SOHLH2: variants seen among roughly 807,000 people sequenced by gnomAD.
SOHLH2 encodes spermatogenesis and oogenesis specific basic helix-loop-helix 2.
A neutral mutation model predicts 50.4 loss-of-function variants in SOHLH2; 22 were observed. That is an observed-to-expected ratio of 0.44 (90% CI 0.31 to 0.62). The LOEUF is 0.62. SOHLH2 is among the 20% of genes least tolerant of loss of function. The pLI, the probability that SOHLH2 is intolerant of heterozygous loss-of-function variation, is 0.08. For missense variants in SOHLH2, 412 were observed against 504.4 expected, an observed-to-expected ratio of 0.82 and a Z score of 1.76; for synonymous variants, 185 against 187.3, an observed-to-expected ratio of 0.99 and a Z score of 0.10.
chr13:36,168,970 T>C lies in SOHLH2; in HGVS notation c.*64A>G. 1 of 1,568,552 alleles carries C rather than the reference T, an allele frequency of 6.4e-7. No individual in the cohort carries two copies. The highest frequency in any genetic ancestry group is 1.2e-5 in the South Asian group (1 of 82,962). On this transcript the variant is annotated 3_prime_UTR_variant, in exon 11 of 11. Transcript: ENST00000379881. ...CTTTCAAAATCATTCTTTGTTCCAC[T>C]TTTCCTAGATTGTCAAACTGCGCCC...
At chr13:36,206,847 A>G (rs906774641) in intron 1 of SOHLH2, among the ~76,000 whole-genome samples, 3 of 151,556 alleles carry the variant, frequency 2.0e-5, no homozygotes, top group Non-Finnish European at 3.0e-5. Context: ...ATAAAGGTTC[A>G]TGATAATGAT....
intron 6 of SOHLH2, among the ~76,000 whole-genome samples, chr13:36,180,753 C>T (rs1887232204): frequency 6.6e-6 from 1 of 151,110 alleles, no homozygotes; most frequent in South Asian, 2.1e-4. Context: ...ATTAATTCAA[C>T]TCTTTTGAAT....
chr13:36,189,884 A>C lies in SOHLH2; in HGVS notation c.641+62T>G, dbSNP rs925699264. ...TTTTAATAATACTACAAAAAATTAT[A>C]AAATTCATTAATTTCTCCCTACAAA... On this transcript the variant is annotated intron_variant, in intron 6 of 10. Coordinates refer to ENST00000379881, the MANE Select transcript of SOHLH2 (RefSeq NM_017826.3). The C allele has an allele frequency of 4.8e-6, 7 of 1,451,830 alleles. No individual in the cohort carries two copies. The African/African-American group carries it at 8.6e-5, about 18-fold the overall frequency. The allele number at this position is 1,451,830 out of a possible 1,614,324, so 89.9% of individuals were successfully genotyped here. A position where few individuals can be genotyped will look rare whatever the true frequency, so the allele number is the denominator to read the frequency against.
rs932358419 is a variant in SOHLH2 at position 36,177,930 on chromosome 13, ACT to A, written c.642-3063_642-3062del. Among the ~76,000 whole-genome samples, 13 of 151,184 alleles carry A rather than the reference ACT, an allele frequency of 8.6e-5. 1 individual carries two copies. The highest frequency in any genetic ancestry group is 2.7e-4 in the African/African-American group (11 of 41,312). Reference sequence around the variant, plus strand: ...AAATTTTGATAAATCCAATTTATTTACTCTCTCTCTCTCATGGTTATTGCTTT... The same window carrying A: ...AAATTTTGATAAATCCAATTTATTTACTCTCTCTCTCATGGTTATTGCTTT... On this transcript the variant is annotated intron_variant, in intron 6 of 10. Coordinates refer to ENST00000379881, the MANE Select transcript of SOHLH2 (RefSeq NM_017826.3).
chr13:36,191,570 A>G (rs183314479), intron 5 of SOHLH2, among the ~76,000 whole-genome samples: 1 of 152,338 alleles, frequency 6.6e-6, no homozygotes, highest in Admixed American at 6.5e-5. Context: ...TTCCCCAATG[A>G]TGGGGAACTC....
chr13:36,196,044 G>A (rs913464349), intron 2 of SOHLH2, among the ~76,000 whole-genome samples: 1 of 151,854 alleles, frequency 6.6e-6, no homozygotes, highest in African/African-American at 2.4e-5. Context: ...CTGCCAGGAT[G>A]TCAGCATTTC....
chr13:36,190,134 C>T lies in SOHLH2; in HGVS notation c.531-78G>A, dbSNP rs185983731. ...AAATTAAATAATACGCACCAATACA[C>T]TAAACAAAGGATGCTTCTCTAAGTC... On this transcript the variant is annotated intron_variant, in intron 5 of 10. Coordinates refer to ENST00000379881, the MANE Select transcript of SOHLH2 (RefSeq NM_017826.3). The T allele has an allele frequency of 1.1e-4, 151 of 1,321,702 alleles. 1 individual carries two copies. In the East Asian group the frequency reaches 2.8e-3, roughly 24 times the overall value. 81.9% of individuals were successfully genotyped at this position (1,321,702 alleles called of 1,614,324 possible). A position where few individuals can be genotyped will look rare whatever the true frequency, so the allele number is the denominator to read the frequency against.
chr13:36,171,089 G>A (rs1886951299), intron 9 of SOHLH2, among the ~76,000 whole-genome samples: 2 of 152,136 alleles, frequency 1.3e-5, no homozygotes. Context: ...TCTCTCTGAA[G>A]CAAGGAAGAA....
In SOHLH2 at chr13:36,170,891, A is replaced by G. The variant is rs141731811; in HGVS notation, c.1001-104T>C. 330 of 1,501,578 alleles carry G rather than the reference A, an allele frequency of 2.2e-4. 2 individuals are homozygous for G. The African/African-American group carries it at 3.3e-3, about 15-fold the overall frequency. The allele number at this position is 1,501,578 out of a possible 1,614,324, so 93.0% of individuals were successfully genotyped here. A position where few individuals can be genotyped will look rare whatever the true frequency, so the allele number is the denominator to read the frequency against. ...GCCCGCTATTTCATTTCCTCACATTACAAATCTGTACTACCTGCTACACCC... is the reference window on the plus strand; with the variant it reads ...GCCCGCTATTTCATTTCCTCACATTGCAAATCTGTACTACCTGCTACACCC... On this transcript the variant is annotated intron_variant, in intron 9 of 10. Coordinates refer to ENST00000379881, the MANE Select transcript of SOHLH2 (RefSeq NM_017826.3).
At chr13:36,204,620 GGACTTCA>G (rs1405494284) in intron 1 of SOHLH2, among the ~76,000 whole-genome samples, 1 of 152,068 alleles carries the variant, frequency 6.6e-6, no homozygotes, top group African/African-American at 2.4e-5. Context: ...GTGTGTTTCT[GGACTTCA>G]TTCTGATCCA....
chr13:36,170,671 G>C lies in SOHLH2; in HGVS notation c.1117C>G (p.Pro373Ala), dbSNP rs779496421. The C allele has an allele frequency of 1.2e-6, 2 of 1,614,190 alleles. No individual in the cohort carries two copies. Among genetic ancestry groups the C allele is most frequent in the Non-Finnish European group, 1.7e-6 (2 of 1,180,032 alleles). The change falls in exon 10 of 11, where the codon CCT (proline) becomes GCT (alanine). Residue 373 changes from proline to alanine, a missense_variant. By Grantham distance (27) the Pro-to-Ala change is conservative. Transcript: ENST00000379881. ...GTTACAGCAGTTGCATCGTAGGAAG[G>C]GGTGACTTTAGAATAATATCTGACA... is the stretch of plus-strand genomic sequence containing the variant. Reference protein sequence around the residue: ...HTVRYYSKVTPSYDATAVTNQ... With the variant: ...HTVRYYSKVTASYDATAVTNQ...
Position 36,169,080 on chromosome 13 carries a change from A to G in SOHLH2, c.1258-26T>C, listed in dbSNP as rs1411270418. 15 of 1,602,826 alleles carry G rather than the reference A, an allele frequency of 9.4e-6. No individual in the cohort carries two copies. In the East Asian group the frequency reaches 2.7e-4, roughly 29 times the overall value. On this transcript the variant is annotated intron_variant, in intron 10 of 10. Transcript: ENST00000379881. ...CTGCAAAGAAGGGGGAAAAACCCAC[A>G]TTAATTGAATCCTCACCCACTCTTA...
chr13:36,176,217 A>G (rs1887093337), intron 6 of SOHLH2, among the ~76,000 whole-genome samples: 1 of 152,194 alleles, frequency 6.6e-6, no homozygotes, highest in Non-Finnish European at 1.5e-5. Context: ...AGGCAAAAAC[A>G]TCCAGTACAG....
chr13:36,195,028 C>T (rs1300656914), intron 2 of SOHLH2, among the ~76,000 whole-genome samples: 1 of 152,084 alleles, frequency 6.6e-6, no homozygotes, highest in African/African-American at 2.4e-5. Flanking sequence ...CTGTGCTAGG[C>T]TCTGGGGGAT....
chr13:36,194,095 C>T (rs1345734643), intron 2 of SOHLH2, among the ~76,000 whole-genome samples: 1 of 150,884 alleles, frequency 6.6e-6, no homozygotes, highest in Non-Finnish European at 1.5e-5. Context: ...AAACTTTATC[C>T]AAATTTTTGG....
At chr13:36,193,518 T>C in intron 4 of SOHLH2, 103 bp downstream of exon 4, 1 of 1,273,086 alleles carries the variant, frequency 7.9e-7, no homozygotes, top group African/African-American at 1.5e-5. Context: ...GAATACATAT[T>C]TCTCCCTTTA....
At chr13:36,195,038 TATC>T (rs1161255234) in intron 2 of SOHLH2, among the ~76,000 whole-genome samples, 1 of 152,170 alleles carries the variant, frequency 6.6e-6, no homozygotes, top group Non-Finnish European at 1.5e-5. Flanking sequence ...CTCTGGGGGA[TATC>T]ATGGTAAACA....
intron 1 of SOHLH2, among the ~76,000 whole-genome samples, chr13:36,207,616 C>T (rs908107864): frequency 6.6e-6 from 1 of 152,164 alleles, no homozygotes; most frequent in African/African-American, 2.4e-5. Flanking sequence ...AGCTAAACTA[C>T]AGACTTTATT....
intron 2 of SOHLH2, among the ~76,000 whole-genome samples, chr13:36,196,822 T>C (rs1411257970): frequency 1.3e-5 from 2 of 152,190 alleles, no homozygotes; most frequent in Non-Finnish European, 2.9e-5. Flanking sequence ...TCTTGGACTT[T>C]TGTTATTAGC....
Sources: allele counts gnomAD v4.1 joint callset (sites outside exome capture counted in the v4.1 genomes callset), GRCh38; gene constraint gnomAD v4.1.1; transcripts MANE v1.5; gene names NCBI Gene and HGNC (gene_info 2026-07-23, HGNC 2026-07-21).